The following PDE9A variants were observed in gnomAD, a reference collection of about 807,000 sequenced individuals.
PDE9A encodes phosphodiesterase 9A, also known as high affinity cGMP-specific 3',5'-cyclic phosphodiesterase 9A.
Under a neutral mutation model 87.4 loss-of-function variants are expected in PDE9A, and 60 were observed. The ratio of observed to expected loss-of-function variants is 0.69; its 90% CI spans 0.56 to 0.85. PDE9A has a LOEUF of 0.85. Ranked by LOEUF, PDE9A falls within the 40% of genes least tolerant of loss-of-function variation. The pLI is 0.00. For synonymous variants in PDE9A, 272 were observed against 279.4 expected, an observed-to-expected ratio of 0.97 and a Z score of 0.27; for missense variants, 665 against 779.0, an observed-to-expected ratio of 0.85 and a Z score of 1.74.
chr21:42,731,984 C>T (rs750676588), intron 5 of PDE9A, 35 bp downstream of exon 5: 1 of 1,612,292 alleles, frequency 6.2e-7, no homozygotes. Flanking sequence ...GCCTCCACCC[C>T]CCAACACGTG....
chr21:42,727,326 GTGTT>G (rs931370173), intron 4 of PDE9A, among the ~76,000 whole-genome samples: 8 of 151,724 alleles, frequency 5.3e-5, no homozygotes, highest in Non-Finnish European at 7.4e-5. Context: ...AATGGTACTG[GTGTT>G]TGTTTGTTTG....
At position 42,772,880 on chromosome 21, in the gene PDE9A, C is replaced by T. The variant is rs976024781; in HGVS notation, c.1768+360C>T. Among the ~76,000 whole-genome samples, 3 of 151,696 alleles carry T rather than the reference C, an allele frequency of 2.0e-5. 1 individual carries two copies. The East Asian group carries it at 5.9e-4, about 30-fold the overall frequency. ...AACTCCTGACCTCAGGTGATCCACC[C>T]ACCTCGGCCTCCCAAAGTGCTGGGA... On this transcript the variant is annotated intron_variant, in intron 19 of 19. Coordinates refer to ENST00000291539, the MANE Select transcript of PDE9A (RefSeq NM_002606.3).
Position 42,723,766 on chromosome 21 carries a change from A to G in PDE9A, c.263-8004A>G, listed in dbSNP as rs368395748. ...CCCCTCCCTCGGGGGCTTATTTGCAATCTCCCGATTTGCTCAAAAACTTCC... is the reference window on the plus strand; with the variant it reads ...CCCCTCCCTCGGGGGCTTATTTGCAGTCTCCCGATTTGCTCAAAAACTTCC... On this transcript the variant is annotated intron_variant, in intron 4 of 19. Coordinates refer to ENST00000291539, the MANE Select transcript of PDE9A (RefSeq NM_002606.3). The surrounding 1 kb of genome is among the most constrained non-coding windows in gnomAD (Gnocchi z 4.3). 6.6e-6 allele frequency among the ~76,000 whole-genome samples: 1 copy of G among 152,032 alleles called. No homozygotes were observed. Among genetic ancestry groups the G allele is most frequent in the Non-Finnish European group, 1.5e-5 (1 of 68,016 alleles).
intron 17 of PDE9A, among the ~76,000 whole-genome samples, chr21:42,769,731 C>T (rs1421559842): frequency 1.7e-5 from 1 of 60,302 alleles, no homozygotes; most frequent in Non-Finnish European, 3.0e-5. Flanking sequence ...CACACACGTA[C>T]AGAGGCACAC....
chr21:42,736,717 A>AG (rs1466737325), intron 7 of PDE9A, among the ~76,000 whole-genome samples: 2 of 152,172 alleles, frequency 1.3e-5, no homozygotes, highest in Non-Finnish European at 2.9e-5. Context: ...GGGTGAGGTC[A>AG]GGGGGGACTC....
intron 19 of PDE9A, among the ~76,000 whole-genome samples, chr21:42,773,905 C>T (rs1413389268): frequency 6.6e-6 from 1 of 151,426 alleles, no homozygotes; most frequent in Non-Finnish European, 1.5e-5. Flanking sequence ...GAGATCGAGA[C>T]CATCCTGGCT....
chr21:42,700,614 CTCT>C (rs1245069380), intron 4 of PDE9A: 2 of 152,204 alleles, frequency 1.3e-5, no homozygotes, highest in African/African-American at 2.4e-5. Flanking sequence ...TCCTTCCCTG[CTCT>C]TCTTTGAAAG....
intron 1 of PDE9A, among the ~76,000 whole-genome samples, chr21:42,677,160 G>A (rs1013315690): frequency 6.6e-6 from 1 of 152,176 alleles, no homozygotes; most frequent in Non-Finnish European, 1.5e-5. Context: ...AAACCACTTG[G>A]AGGGAAAGAT....
In PDE9A at chr21:42,694,597, A is replaced by C. The variant is rs756025686; in HGVS notation, c.219-4371A>C. On this transcript the variant is annotated intron_variant, in intron 3 of 19. Coordinates refer to ENST00000291539, the MANE Select transcript of PDE9A (RefSeq NM_002606.3). This position sits in a 1 kb window ranked among gnomAD's most constrained non-coding sequence, Gnocchi z 5.3. ...CAAACTAAACAAATTGTTGCATTGG[A>C]TTATTCTTTCAAAATACTCCTTGCC... 1.3e-5 allele frequency among the ~76,000 whole-genome samples: 2 copies of C among 152,106 alleles called. No homozygotes were observed. The highest frequency in any genetic ancestry group is 2.4e-5 in the African/African-American group (1 of 41,396).
chr21:42,700,416 G>C (rs1455149880), intron 4 of PDE9A, among the ~76,000 whole-genome samples: 1 of 152,158 alleles, frequency 6.6e-6, no homozygotes, highest in Non-Finnish European at 1.5e-5. Context: ...TTTTTATACA[G>C]TTAAACATAT....
chr21:42,751,408 C>G (rs1360253601), intron 9 of PDE9A, among the ~76,000 whole-genome samples: 1 of 152,258 alleles, frequency 6.6e-6, no homozygotes, highest in Admixed American at 6.5e-5. Context: ...CCATACCTTC[C>G]CCTGCAAGGA....
At chr21:42,725,090 A>G (rs1382995697) in intron 4 of PDE9A, among the ~76,000 whole-genome samples, 1 of 152,182 alleles carries the variant, frequency 6.6e-6, no homozygotes, top group Non-Finnish European at 1.5e-5. Flanking sequence ...ACAGCCTGGC[A>G]TTGACCGTGA....
chr21:42,713,188 G>C (rs909802809), intron 4 of PDE9A, among the ~76,000 whole-genome samples: 8 of 152,188 alleles, frequency 5.3e-5, no homozygotes, highest in African/African-American at 1.7e-4. Flanking sequence ...AGGCTGGAGT[G>C]CAGTGCTGCC....
At chr21:42,718,959 G>A (rs1255001793) in intron 4 of PDE9A, among the ~76,000 whole-genome samples, 2 of 151,760 alleles carry the variant, frequency 1.3e-5, no homozygotes, top group East Asian at 3.8e-4. Context: ...TGAACTTCGT[G>A]CAGCCTGGTT....
intron 1 of PDE9A, among the ~76,000 whole-genome samples, chr21:42,678,606 C>A (rs2146070050): frequency 6.6e-6 from 1 of 152,346 alleles, no homozygotes; most frequent in East Asian, 1.9e-4. Flanking sequence ...ATCAGCCTTT[C>A]TTTAAACTAA....
chr21:42,688,746 C>T (rs992215407), intron 3 of PDE9A, among the ~76,000 whole-genome samples: 2 of 152,352 alleles, frequency 1.3e-5, no homozygotes, highest in East Asian at 3.9e-4. Flanking sequence ...GAGTGGGGCT[C>T]ACTGTGCCTC....
intron 7 of PDE9A, among the ~76,000 whole-genome samples, chr21:42,737,702 C>T (rs1289271512): frequency 1.3e-5 from 2 of 152,212 alleles, no homozygotes; most frequent in African/African-American, 2.4e-5. Context: ...AGGTGATCGA[C>T]CCGCCTCGGC....
chr21:42,727,720 C>T (rs2051293699), intron 4 of PDE9A, among the ~76,000 whole-genome samples: 1 of 151,988 alleles, frequency 6.6e-6, no homozygotes, highest in African/African-American at 2.4e-5. Context: ...GTATGCTTTC[C>T]ACCCTGCAAA....
At chr21:42,658,654 C>T (rs1358311423) in intron 1 of PDE9A, among the ~76,000 whole-genome samples, 1 of 152,202 alleles carries the variant, frequency 6.6e-6, no homozygotes, top group East Asian at 1.9e-4. Flanking sequence ...CACACTGACT[C>T]CTCTCCAGGT....
Sources: gnomAD v4.1 joint callset for allele counts (sites outside exome capture counted in the v4.1 genomes callset) on GRCh38, gnomAD v4.1.1 for gene constraint, Gnocchi (gnomAD v3.1) non-coding constraint, MANE v1.5 for transcripts, NCBI Gene and HGNC (gene_info 2026-07-23, HGNC 2026-07-21) for gene names.